Variants in CMBL observed in about 807,000 individuals in gnomAD.
CMBL encodes carboxymethylenebutenolidase homolog (Pseudomonas).
A neutral mutation model predicts 28.7 loss-of-function variants in CMBL; 17 were observed. The observed-to-expected ratio is 0.59, with a 90% CI of 0.41 to 0.89. The LOEUF (loss-of-function observed/expected upper bound fraction) is 0.89. Ranked by LOEUF, CMBL falls within the 40% of genes least tolerant of loss-of-function variation. The probability of loss-of-function intolerance (pLI) is 0.00; values close to 1 mark genes in which losing one functional copy is unlikely to be tolerated. For synonymous variants in CMBL, 106 were observed against 101.6 expected (o/e 1.04, Z -0.26); for missense variants, 310 against 298.5 (o/e 1.04, Z -0.28).
intron 1 of CMBL, among the ~76,000 whole-genome samples, chr5:10,291,200 G>A (rs1184808356): frequency 1.3e-5 from 2 of 152,114 alleles, no homozygotes; most frequent in African/African-American, 4.8e-5. Flanking sequence ...AGCCATCGAA[G>A]CACATGAGAC....
rs1191483290 is a variant in CMBL, at chr5:10,279,419, A to G, written c.*1034T>C. On this transcript the variant is annotated 3_prime_UTR_variant, in exon 6 of 6. Coordinates refer to ENST00000296658, the MANE Select transcript of CMBL (RefSeq NM_138809.4). ...GCATAGATAAGTGTCTAAGCTGGGCAGTTAGTCTACCCGTTTATAGTTCAT... is the reference window on the plus strand; with the variant it reads ...GCATAGATAAGTGTCTAAGCTGGGCGGTTAGTCTACCCGTTTATAGTTCAT... The G allele has an allele frequency of 6.6e-6, 1 of 152,206 alleles. No homozygotes were observed. Among genetic ancestry groups the G allele is most frequent in the East Asian group, 1.9e-4 (1 of 5,198 alleles). The allele number at this position is 152,206 out of a possible 1,614,324, so 9.4% of individuals were successfully genotyped here.
chr5:10,300,939 T>C (rs548565225), intron 1 of CMBL, among the ~76,000 whole-genome samples: 1 of 151,000 alleles, frequency 6.6e-6, no homozygotes, highest in African/African-American at 2.4e-5. Context: ...ACATAGCATT[T>C]TGATTCTAAA....
intron 1 of CMBL, among the ~76,000 whole-genome samples, chr5:10,291,666 CAA>C (rs34862174): frequency 0.26 from 35,684 of 139,330 alleles, 5,942 homozygotes; most frequent in African/African-American, 0.49. Flanking sequence ...GTCTCAAAAA[CAA>C]AAAAAAAAAG....
intron 1 of CMBL, among the ~76,000 whole-genome samples, chr5:10,298,949 T>C (rs1746850311): frequency 6.6e-6 from 1 of 152,098 alleles, no homozygotes; most frequent in Admixed American, 6.6e-5. Context: ...GTGGACAAGG[T>C]GTCCACGTGC....
At chr5:10,305,892 A>C (rs1429862142) in intron 1 of CMBL, among the ~76,000 whole-genome samples, 3 of 152,152 alleles carry the variant, frequency 2.0e-5, no homozygotes, top group African/African-American at 7.2e-5. Context: ...TTTGATCTGC[A>C]AATTCCAAGG....
Position 10,280,199 on chromosome 5 carries a change from A to G in CMBL, c.*254T>C, listed in dbSNP as rs1363311577. On this transcript the variant is annotated 3_prime_UTR_variant, in exon 6 of 6. Transcript: ENST00000296658. ...GGTGATCCACCCACTTTGGCCTCCC[A>G]AAGTGCTGGAATTACAGGCATGAGG... is the stretch of plus-strand genomic sequence containing the variant. 3.5e-6 allele frequency: 1 copy of G among 289,822 alleles called. No homozygotes were observed. Among genetic ancestry groups the G allele is most frequent in the African/African-American group, 2.2e-5 (1 of 46,234 alleles). 18.0% of individuals were successfully genotyped at this position (289,822 alleles called of 1,614,324 possible). A position where few individuals can be genotyped will look rare whatever the true frequency, so the allele number is the denominator to read the frequency against.
intron 1 of CMBL, among the ~76,000 whole-genome samples, chr5:10,303,697 A>G (rs556198122): frequency 1.5e-4 from 23 of 152,210 alleles, no homozygotes; most frequent in Admixed American, 3.9e-4. Flanking sequence ...TGGCCATACA[A>G]CTCAGTTATA....
At chr5:10,292,826 C>CAAAAAA (rs34798121) in intron 1 of CMBL, among the ~76,000 whole-genome samples, 21 of 107,140 alleles carry the variant, frequency 2.0e-4, no homozygotes, top group South Asian at 3.4e-4. Context: ...CTCTGTCTCA[C>CAAAAAA]AAAAAAAAAA....
At chr5:10,281,573 T>C (rs975848750) in intron 5 of CMBL, among the ~76,000 whole-genome samples, 8 of 152,186 alleles carry the variant, frequency 5.3e-5, no homozygotes, top group African/African-American at 1.4e-4. Flanking sequence ...CAACTGACTT[T>C]GTTTAATAAA....
intron 4 of CMBL, among the ~76,000 whole-genome samples, chr5:10,285,255 A>G (rs1430118799): frequency 6.6e-6 from 1 of 151,934 alleles, no homozygotes; most frequent in East Asian, 1.9e-4. Context: ...AGCAACCTCC[A>G]CCTCCCGGGT....
Position 10,303,500 on chromosome 5 carries a change from T to G in CMBL, c.-20+4125A>C, listed in dbSNP as rs113679028. 4.2e-3 allele frequency among the ~76,000 whole-genome samples: 642 copies of G among 152,222 alleles called. 5 individuals carry two copies. The highest frequency in any genetic ancestry group is 0.015 in the African/African-American group (611 of 41,534). On this transcript the variant is annotated intron_variant, in intron 1 of 5. Coordinates refer to ENST00000296658, the MANE Select transcript of CMBL (RefSeq NM_138809.4). ...TCAACAGATATAAAAACAAACAACA[T>G]TGAGGATTGTACTCTACTTGAACGA... is the stretch of plus-strand genomic sequence containing the variant.
chr5:10,305,886 A>G (rs1023602263), intron 1 of CMBL, among the ~76,000 whole-genome samples: 1 of 152,116 alleles, frequency 6.6e-6, no homozygotes, highest in African/African-American at 2.4e-5. Flanking sequence ...TGAGTGTTTG[A>G]TCTGCAAATT....
rs761707144 is a variant in CMBL, at chr5:10,282,317, CTGATCCCCACACTCATGCCACA to C, written c.467-51_467-30del. 35 of 1,292,796 alleles carry C rather than the reference CTGATCCCCACACTCATGCCACA, an allele frequency of 2.7e-5. No homozygotes were observed. The Middle Eastern group carries it at 1.5e-3, about 55-fold the overall frequency. 80.1% of individuals were successfully genotyped at this position (1,292,796 alleles called of 1,614,324 possible). ...AAAAACAAGCACAGAGGCATGATGTCTGATCCCCACACTCATGCCACATGATCCCCACACCCATGCCGCATGA... is the reference window on the plus strand; with the variant it reads ...AAAAACAAGCACAGAGGCATGATGTCTGATCCCCACACCCATGCCGCATGA... On this transcript the variant is annotated intron_variant, in intron 4 of 5. Transcript: ENST00000296658.
chr5:10,288,363 C>T, intron 3 of CMBL, 59 bp downstream of exon 3: 1 of 1,249,464 alleles, frequency 8.0e-7, no homozygotes, highest in Non-Finnish European at 1.2e-6. Context: ...GTGAAGCCCA[C>T]CCAGCTCTCA....
At chr5:10,298,509 G>C (rs2126559850) in intron 1 of CMBL, among the ~76,000 whole-genome samples, 1 of 152,348 alleles carries the variant, frequency 6.6e-6, no homozygotes. Flanking sequence ...GCAGCCATGT[G>C]TTTTTGAGTC....
intron 1 of CMBL, among the ~76,000 whole-genome samples, chr5:10,294,294 G>C (rs1214763866): frequency 1.3e-5 from 2 of 152,164 alleles, no homozygotes; most frequent in African/African-American, 4.8e-5. Flanking sequence ...AGTATCATTG[G>C]CCTGACACAG....
rs764008289 is a variant in CMBL, at chr5:10,288,496, C to T, written c.249G>A (p.Glu83=). The T allele has an allele frequency of 2.5e-6, 4 of 1,613,888 alleles. No individual in the cohort carries two copies. The highest frequency in any genetic ancestry group is 1.1e-5 in the South Asian group (1 of 91,086). The part of the protein sequence containing the change: ...TIVPDFFVGQ[E]PWDPSGDWSI... ...ACCAGTCGCCAGAGGGGTCCCAAGG[C>T]TCTTGCCCTACAAAGAAGTCTGGAA... The change falls in exon 3 of 6, where the codon GAG becomes GAA. Residue 83 remains glutamate, a synonymous_variant. Transcript: ENST00000296658.
rs868330032 is a variant in CMBL at position 10,280,497 on chromosome 5, C to T, written c.694G>A (p.Glu232Lys). 10 of 1,611,520 alleles carry T rather than the reference C, an allele frequency of 6.2e-6. No homozygotes were observed. The highest frequency in any genetic ancestry group is 1.7e-5 in the Admixed American group (1 of 59,990). The change falls in exon 6 of 6, where the codon GAG (glutamate) becomes AAG (lysine). Residue 232 changes from glutamate to lysine, a missense_variant. Coordinates refer to ENST00000296658, the MANE Select transcript of CMBL (RefSeq NM_138809.4). ...CACTCAATTAAATTCCTTCTGGCCT[C>T]GTCAATGTAGGGCTTGTCTGCAGGT... ...CSPADKPYID[E>K]ARRNLIEWLN...
At chr5:10,303,306 C>T (rs1326622666) in intron 1 of CMBL, among the ~76,000 whole-genome samples, 1 of 152,200 alleles carries the variant, frequency 6.6e-6, no homozygotes, top group African/African-American at 2.4e-5. Context: ...ACTCAGCCAC[C>T]TTGGGCACAT....
Sources: allele counts gnomAD v4.1 joint callset (sites outside exome capture counted in the v4.1 genomes callset), GRCh38; gene constraint gnomAD v4.1.1; transcripts MANE v1.5; gene names NCBI Gene and HGNC (gene_info 2026-07-23, HGNC 2026-07-21).